SLC27A1: variants seen among roughly 807,000 people sequenced by gnomAD.
SLC27A1 encodes long-chain fatty acid transport protein 1.
Under a neutral mutation model 62.2 loss-of-function variants are expected in SLC27A1, and 61 were observed. That is an observed-to-expected ratio of 0.98 (90% CI 0.80 to 1.21). The LOEUF (loss-of-function observed/expected upper bound fraction) is 1.21. Among genes scored for constraint, SLC27A1 ranks in the 50% most tolerant of loss-of-function variants. SLC27A1 has a pLI of 0.00. For synonymous variants in SLC27A1, 435 were observed against 408.6 expected, an observed-to-expected ratio of 1.06 and a Z score of -0.78; for missense variants, 903 against 932.1, an observed-to-expected ratio of 0.97 and a Z score of 0.41.
chr19:17,485,861 C>G (rs1425612285), intron 1 of SLC27A1, among the ~76,000 whole-genome samples: 1 of 152,120 alleles, frequency 6.6e-6, no homozygotes, highest in African/African-American at 2.4e-5. Context: ...TCTCATTCAT[C>G]TAACAGCAAG....
chr19:17,487,480 A>G lies in SLC27A1; in HGVS notation c.745A>G (p.Thr249Ala). 6.2e-7 allele frequency: 1 copy of G among 1,604,586 alleles called. No individual in the cohort carries two copies. The highest frequency in any genetic ancestry group is 8.5e-7 in the Non-Finnish European group (1 of 1,179,088). ...TGCAGATCGTCTTTTCTACATCTAC[A>G]CGTCGGGGACCACCGGGCTGCCCAA... Reference protein sequence around the residue: ...GMDDRLFYIYTSGTTGLPKAA... With the variant: ...GMDDRLFYIYASGTTGLPKAA... Residue 249 changes from threonine to alanine, a missense_variant, in exon 4 of 12, where the codon ACG (threonine) becomes GCG (alanine). Transcript: ENST00000252595.
rs932006244 is a variant in SLC27A1, at chr19:17,505,804, C to G, written c.*1192C>G. On this transcript the variant is annotated 3_prime_UTR_variant, in exon 12 of 12. Transcript: ENST00000252595. Reference sequence around the variant, plus strand: ...AGAGGGGTCAGGGGAGGTCTCCTGCCGGGGGTTGGCCTCTCAAGCCTCAGG... The same window carrying G: ...AGAGGGGTCAGGGGAGGTCTCCTGCGGGGGGTTGGCCTCTCAAGCCTCAGG... The G allele has an allele frequency of 6.6e-6, 1 of 152,570 alleles. No homozygotes were observed. The highest frequency in any genetic ancestry group is 1.5e-5 in the Non-Finnish European group (1 of 68,410). 9.5% of individuals were successfully genotyped at this position (152,570 alleles called of 1,614,324 possible).
intron 1 of SLC27A1, among the ~76,000 whole-genome samples, chr19:17,474,537 T>C (rs1281511157): frequency 6.6e-6 from 1 of 152,118 alleles, no homozygotes; most frequent in Non-Finnish European, 1.5e-5. Context: ...GTGGCAGCTT[T>C]GAAGATGGCC....
intron 6 of SLC27A1, 87 bp downstream of exon 6, chr19:17,489,204 A>G: frequency 8.9e-7 from 1 of 1,119,672 alleles, no homozygotes; most frequent in South Asian, 1.4e-5. Context: ...CCTCCCGGTG[A>G]GGCCCCGTAC....
intron 7 of SLC27A1, among the ~76,000 whole-genome samples, chr19:17,499,603 C>T (rs1010447415): frequency 6.7e-6 from 1 of 149,190 alleles, no homozygotes; most frequent in Non-Finnish European, 1.5e-5. Context: ...GTCACGAGTT[C>T]GAGACCAGTC....
chr19:17,491,184 G>A (rs2075290491), intron 6 of SLC27A1: 1 of 151,800 alleles, frequency 6.6e-6, no homozygotes, highest in Non-Finnish European at 1.5e-5. Flanking sequence ...CTGGGTGACA[G>A]AGTGAGATTC....
chr19:17,502,351 T>G (rs940068627), intron 11 of SLC27A1, among the ~76,000 whole-genome samples: 39 of 107,554 alleles, frequency 3.6e-4, no homozygotes, highest in African/African-American at 1.3e-3. Context: ...TTTGTTTTTT[T>G]TTTTTTTTTT....
At chr19:17,493,706 C>A (rs1056835961) in intron 6 of SLC27A1, among the ~76,000 whole-genome samples, 2 of 149,658 alleles carry the variant, frequency 1.3e-5, no homozygotes, top group Non-Finnish European at 3.0e-5. Context: ...CTCACTGCAA[C>A]CTCCTTCTCC....
At chr19:17,497,516 T>C in intron 7 of SLC27A1, 52 bp downstream of exon 7, 1 of 1,487,776 alleles carries the variant, frequency 6.7e-7, no homozygotes, top group Non-Finnish European at 9.2e-7. Context: ...GGAAGACCAC[T>C]GTCTCCTCTT....
At chr19:17,503,840 G>C (rs574356653) in intron 11 of SLC27A1, among the ~76,000 whole-genome samples, 61 of 144,972 alleles carry the variant, frequency 4.2e-4, no homozygotes, top group Admixed American at 3.9e-3. Flanking sequence ...GCTGAGGCAG[G>C]AGAATCACTT....
At chr19:17,496,875 A>AT (rs2075355262) in intron 6 of SLC27A1, 1 of 178,164 alleles carries the variant, frequency 5.6e-6, no homozygotes, top group Non-Finnish European at 1.2e-5. Flanking sequence ...ACAGAGCGAG[A>AT]TCCCCCATCT....
In SLC27A1 at chr19:17,500,807, G is replaced by A. The variant is rs770565930; in HGVS notation, c.1567G>A (p.Glu523Lys). The A allele has an allele frequency of 9.3e-6, 15 of 1,611,748 alleles. No homozygotes were observed. The highest frequency in any genetic ancestry group is 3.3e-5 in the South Asian group (3 of 90,966). The change falls in exon 10 of 12, where the codon GAG becomes AAG. Residue 523 changes from glutamate to lysine, a missense_variant. Glu to Lys is a moderately conservative substitution (Grantham distance 56, BLOSUM62 1). Coordinates refer to ENST00000252595, the MANE Select transcript of SLC27A1 (RefSeq NM_198580.3). ...GCGAGGGGAGAACGTCTCCACCACC[G>A]AGGTGGAGGGCGTGCTGAGCCGCCT... ...RWRGENVSTT[E>K]VEGVLSRLLG... is the part of the protein sequence containing the mutation.
At position 17,488,938 on chromosome 19, in the gene SLC27A1, A is replaced by G. The variant is rs1436889211; in HGVS notation, c.885A>G (p.Ala295=). ...ACTGCCTGCCCCTGTACCACTCGGC[A>G]GGTACTACGGCCTGGGTAGGGAATG... is the stretch of plus-strand genomic sequence containing the variant. ...LYDCLPLYHS[A]GNIIGVGQCL... The change falls in exon 5 of 12, where the codon GCA becomes GCG. Residue 295 remains alanine (A), a splice_region_variant and synonymous_variant. Transcript: ENST00000252595. 1 of 1,614,084 alleles carries G rather than the reference A, an allele frequency of 6.2e-7. No individual in the cohort carries two copies. Among genetic ancestry groups the G allele is most frequent in the Non-Finnish European group, 8.5e-7 (1 of 1,179,970 alleles).
Position 17,489,116 on chromosome 19 carries a change from CG to C in SLC27A1, c.996+1del. 13 of 1,613,624 alleles carry C rather than the reference CG, an allele frequency of 8.1e-6. No individual in the cohort carries two copies. Among genetic ancestry groups the C allele is most frequent in the Non-Finnish European group, 1.1e-5 (13 of 1,179,638 alleles). The part of the protein sequence containing the change: ...FWDDCIKYNC[T>X]VVQYIGEICR... ...GACGACTGCATCAAGTACAACTGCA[CG>C]GTCAGGCCCTGCCCTGTTCTGTCTA... On this transcript the variant is annotated frameshift_variant and splice_region_variant, in exon 6 of 12. Coordinates refer to ENST00000252595, the MANE Select transcript of SLC27A1 (RefSeq NM_198580.3). LOFTEE classifies it high-confidence loss of function.
intron 1 of SLC27A1, among the ~76,000 whole-genome samples, chr19:17,479,020 C>T (rs534883923): frequency 3.3e-4 from 50 of 152,004 alleles, no homozygotes; most frequent in Non-Finnish European, 6.5e-4. Flanking sequence ...TCACTTGAGC[C>T]CTGGAGTTTG....
chr19:17,476,012 C>G (rs1568409950), intron 1 of SLC27A1, among the ~76,000 whole-genome samples: 1 of 152,144 alleles, frequency 6.6e-6, no homozygotes, highest in South Asian at 2.1e-4. Flanking sequence ...GTTCCCACAT[C>G]TAGCTCTGGT....
rs550874348 is a variant in SLC27A1 at position 17,494,606 on chromosome 19, C to T, written c.997-2649C>T. Among the ~76,000 whole-genome samples the T allele has an allele frequency of 1.9e-3, 295 of 152,188 alleles. 4 individuals carry two copies. The highest frequency in any genetic ancestry group is 5.2e-3 in the African/African-American group (217 of 41,480). ...CCTCCGAAAGTGCTGAGATTACAGG[C>T]GTGAGCTACCGTGCCCGGCCACAGG... On this transcript the variant is annotated intron_variant, in intron 6 of 11. Coordinates refer to ENST00000252595, the MANE Select transcript of SLC27A1 (RefSeq NM_198580.3).
intron 1 of SLC27A1, among the ~76,000 whole-genome samples, chr19:17,484,436 C>CA (rs2075209010): frequency 6.6e-6 from 1 of 152,038 alleles, no homozygotes; most frequent in Non-Finnish European, 1.5e-5. Context: ...ACAAAAAATA[C>CA]AAAAATTTTG....
rs1037711655 is a variant in SLC27A1, at chr19:17,486,229, G to T, written c.168-334G>T. On this transcript the variant is annotated intron_variant, in intron 1 of 11. Transcript: ENST00000252595. The surrounding 1 kb of genome is among the most constrained non-coding windows in gnomAD (Gnocchi z 6.6). ...AGCATGAAGAGTCCAGGCTGGAGGT[G>T]CTGGGGGATGGTGTCAGGTGCTCCA... 6.6e-6 allele frequency among the ~76,000 whole-genome samples: 1 copy of T among 152,214 alleles called. No individual in the cohort carries two copies. The highest frequency in any genetic ancestry group is 2.4e-5 in the African/African-American group (1 of 41,458).
Sources: gnomAD v4.1 joint callset for allele counts (sites outside exome capture counted in the v4.1 genomes callset) on GRCh38, gnomAD v4.1.1 for gene constraint, Gnocchi (gnomAD v3.1) non-coding constraint, MANE v1.5 for transcripts, NCBI Gene and HGNC (gene_info 2026-07-23, HGNC 2026-07-21) for gene names.